The following CRLF3 variants were observed in gnomAD, a reference collection of about 807,000 sequenced individuals.
CRLF3 encodes the protein cytokine receptor-like factor 3.
Under a neutral mutation model 55.0 loss-of-function variants are expected in CRLF3, and 33 were observed. The observed-to-expected ratio is 0.60, with a 90% confidence interval of 0.46 to 0.80. The LOEUF (loss-of-function observed/expected upper bound fraction) is 0.80, where lower values mean the gene tolerates loss of function less well. Ranked by LOEUF, CRLF3 falls within the 30% of genes least tolerant of loss-of-function variation. CRLF3 has a pLI of 0.00. For missense variants in CRLF3, 494 were observed against 538.4 expected (o/e 0.92, Z 0.82); for synonymous variants, 238 against 196.8 (o/e 1.21, Z -1.75).
chr17:30,791,817 G>A (rs981049342), intron 6 of CRLF3, among the ~76,000 whole-genome samples: 2 of 151,422 alleles, frequency 1.3e-5, no homozygotes, highest in East Asian at 3.9e-4. Context: ...TGCCTGGCCA[G>A]GCCTCTAAAT....
chr17:30,797,449 G>T, intron 2 of CRLF3, 51 bp from the exon 3 acceptor site: 1 of 1,432,784 alleles, frequency 7.0e-7, no homozygotes, highest in Non-Finnish European at 9.8e-7. Context: ...CACATATAAA[G>T]TAATCAACAC....
intron 1 of CRLF3, among the ~76,000 whole-genome samples, chr17:30,812,050 C>G (rs1253323524): frequency 6.6e-6 from 1 of 151,654 alleles, no homozygotes; most frequent in East Asian, 1.9e-4. Flanking sequence ...GCGGAGCTTG[C>G]AGCAAGCTGA....
At chr17:30,791,995 T>C (rs1971812425) in intron 6 of CRLF3, among the ~76,000 whole-genome samples, 1 of 152,030 alleles carries the variant, frequency 6.6e-6, no homozygotes, top group Non-Finnish European at 1.5e-5. Context: ...TGCAGGCATA[T>C]GTGCCACCAT....
chr17:30,810,653 T>A (rs1051648127), intron 1 of CRLF3, among the ~76,000 whole-genome samples: 5 of 152,174 alleles, frequency 3.3e-5, no homozygotes, highest in African/African-American at 7.2e-5. Flanking sequence ...TTTAAAATTT[T>A]AACATGATTA....
intron 5 of CRLF3, among the ~76,000 whole-genome samples, chr17:30,793,060 G>C (rs2142251500): frequency 6.6e-6 from 1 of 151,016 alleles, no homozygotes; most frequent in Non-Finnish European, 1.5e-5. Flanking sequence ...GGAGACTGAG[G>C]CAGAAGGATC....
chr17:30,800,758 C>CA (rs1971994810), intron 2 of CRLF3, among the ~76,000 whole-genome samples: 1 of 151,602 alleles, frequency 6.6e-6, no homozygotes. Context: ...TTGTGTGTGC[C>CA]ACCATGCCTG....
rs1905086210 is a variant in CRLF3 at position 30,824,553 on chromosome 17, C to T, written c.99G>A (p.Arg33=). ...AQSYRRELGH[R]LEGLREARRQ... is the part of the protein sequence containing the mutation. ...TCCGCGCCTCACGCAGCCCCTCAAG[C>T]CGGTGACCCAGCTCCCGCCGGTAGC... The change falls in exon 1 of 8, where the codon CGG becomes CGA. Residue 33 remains arginine (R), a synonymous_variant. Transcript: ENST00000324238. The T allele has an allele frequency of 6.2e-7, 1 of 1,600,216 alleles. No individual in the cohort carries two copies. The highest frequency in any genetic ancestry group is 8.5e-7 in the Non-Finnish European group (1 of 1,177,692).
chr17:30,786,120 C>T lies in CRLF3; in HGVS notation c.960-89G>A, dbSNP rs1275207323. On this transcript the variant is annotated intron_variant, in intron 6 of 7. Coordinates refer to ENST00000324238, the MANE Select transcript of CRLF3 (RefSeq NM_015986.4). Reference sequence around the variant, plus strand: ...GCCACTAGCTTAAAAAGAGCAATCTCACCACAATTGTTTTTTTCTAAATAG... The same window carrying T: ...GCCACTAGCTTAAAAAGAGCAATCTTACCACAATTGTTTTTTTCTAAATAG... 8.0e-6 allele frequency: 6 copies of T among 746,282 alleles called. No individual in the cohort carries two copies. The East Asian group carries it at 1.5e-4, about 19-fold the overall frequency. The allele number at this position is 746,282 out of a possible 1,614,324, so 46.2% of individuals were successfully genotyped here. A position where few individuals can be genotyped will look rare whatever the true frequency, so the allele number is the denominator to read the frequency against.
At chr17:30,800,663 C>G (rs940831145) in intron 2 of CRLF3, among the ~76,000 whole-genome samples, 1 of 151,438 alleles carries the variant, frequency 6.6e-6, no homozygotes, top group Non-Finnish European at 1.5e-5. Context: ...GAGACAGGGT[C>G]TTGCTCTGTT....
At chr17:30,812,271 A>G (rs1904652969) in intron 1 of CRLF3, among the ~76,000 whole-genome samples, 1 of 152,180 alleles carries the variant, frequency 6.6e-6, no homozygotes, top group African/African-American at 2.4e-5. Flanking sequence ...CATTAGTAAT[A>G]ATGGAAACAG....
intron 1 of CRLF3, among the ~76,000 whole-genome samples, chr17:30,806,855 C>G (rs1326544638): frequency 6.6e-6 from 1 of 152,120 alleles, no homozygotes; most frequent in Non-Finnish European, 1.5e-5. Context: ...CCAAGCTGGT[C>G]TTGAACCAGC....
chr17:30,806,134 G>GGCCT (rs1904395931), intron 1 of CRLF3, among the ~76,000 whole-genome samples: 2 of 152,094 alleles, frequency 1.3e-5, no homozygotes, highest in South Asian at 4.1e-4. Context: ...AAACCAAAGA[G>GGCCT]GCCTGTAGGA....
At chr17:30,804,173 T>G (rs1567664874) in intron 1 of CRLF3, 65 bp from the exon 2 acceptor site, 11 of 1,143,058 alleles carry the variant, frequency 9.6e-6, no homozygotes, top group South Asian at 7.9e-5. Flanking sequence ...AAAGGTATAA[T>G]TCACATGAAT....
chr17:30,803,947 C>T lies in CRLF3; in HGVS notation c.291G>A (p.Lys97=), dbSNP rs1972046483. The T allele has an allele frequency of 6.2e-7, 1 of 1,612,266 alleles. No homozygotes were observed. Among genetic ancestry groups the T allele is most frequent in the African/African-American group, 1.3e-5 (1 of 74,880 alleles). Residue 97 remains lysine, a synonymous_variant, in exon 2 of 8, where the codon AAG becomes AAA. Coordinates refer to ENST00000324238, the MANE Select transcript of CRLF3 (RefSeq NM_015986.4). ...ETIKPLDDCQ[K]LIEHGVNTAE... is the part of the protein sequence containing the mutation. ...CAGTGTTGACTCCGTGTTCTATGAG[C>T]TTCTGGCAGTCATCTAGTGGTTTAA... is the stretch of plus-strand genomic sequence containing the variant.
At chr17:30,797,558 C>T (rs1334837653) in intron 2 of CRLF3, among the ~76,000 whole-genome samples, 160 bp from the exon 3 acceptor site, 4 of 152,022 alleles carry the variant, frequency 2.6e-5, no homozygotes, top group African/African-American at 7.3e-5. Context: ...CTATTTTAGA[C>T]GTGACTCTAA....
At chr17:30,798,858 A>C (rs1373994956) in intron 2 of CRLF3, among the ~76,000 whole-genome samples, 1 of 151,946 alleles carries the variant, frequency 6.6e-6, no homozygotes, top group African/African-American at 2.4e-5. Context: ...TAAATAAATA[A>C]ATAAAATCCT....
At position 30,793,602 on chromosome 17, in the gene CRLF3, T is replaced by A; in HGVS notation, c.674A>T (p.Asp225Val). The change falls in exon 5 of 8, where the codon GAT (aspartate) becomes GTT (valine). Residue 225 changes from aspartate (D) to valine (V), a missense_variant. Physicochemically the swap from Asp to Val is radical, Grantham distance 152. Transcript: ENST00000324238. The part of the protein sequence containing the change: ...FRKCTSNHFE[D>V]VYVGSETEFI... ...TTCAGTTTCAGAACCTACATATACA[T>A]CCTCAAAATGATTTGAAGTACATTT... 1 of 1,614,052 alleles carries A rather than the reference T, an allele frequency of 6.2e-7. No individual in the cohort carries two copies. The highest frequency in any genetic ancestry group is 8.5e-7 in the Non-Finnish European group (1 of 1,179,972).
At chr17:30,823,214 T>C (rs1457631182) in intron 1 of CRLF3, among the ~76,000 whole-genome samples, 1 of 151,510 alleles carries the variant, frequency 6.6e-6, no homozygotes, top group Non-Finnish European at 1.5e-5. Flanking sequence ...ATACAAAAAT[T>C]AGCCGGGTGT....
chr17:30,791,405 C>A (rs1027490950), intron 6 of CRLF3, among the ~76,000 whole-genome samples: 7 of 151,906 alleles, frequency 4.6e-5, no homozygotes, highest in Non-Finnish European at 8.8e-5. Flanking sequence ...TGGGGTTTTA[C>A]CAGGTTGACC....
Sources: allele counts gnomAD v4.1 joint callset (sites outside exome capture counted in the v4.1 genomes callset), GRCh38; gene constraint gnomAD v4.1.1; transcripts MANE v1.5; gene names NCBI Gene and HGNC (gene_info 2026-07-23, HGNC 2026-07-21).